GOLGA1: variants seen among roughly 807,000 people sequenced by gnomAD.
GOLGA1 encodes golgin subfamily A member 1.
In GOLGA1, 63 loss-of-function variants were observed where a neutral mutation model predicts 119.7. That is an observed-to-expected ratio of 0.53 (90% confidence interval 0.43 to 0.65). The LOEUF (loss-of-function observed/expected upper bound fraction) is 0.65. GOLGA1 is among the 30% of genes least tolerant of loss of function. The probability of loss-of-function intolerance (pLI) is 0.00; values close to 1 mark genes in which losing one functional copy is unlikely to be tolerated. For synonymous variants in GOLGA1, 318 were observed against 333.4 expected, an observed-to-expected ratio of 0.95 and a Z score of 0.50; for missense variants, 798 against 912.8, an observed-to-expected ratio of 0.87 and a Z score of 1.62.
Position 124,888,621 on chromosome 9 carries a change from C to A in GOLGA1, c.1762-225G>T, listed in dbSNP as rs1829780453. Among the ~76,000 whole-genome samples, 1 of 152,216 alleles carries A rather than the reference C, an allele frequency of 6.6e-6. No individual in the cohort carries two copies. The highest frequency in any genetic ancestry group is 2.4e-5 in the African/African-American group (1 of 41,462). On this transcript the variant is annotated intron_variant, in intron 18 of 22. Transcript: ENST00000373555. This position sits in a 1 kb window ranked among gnomAD's most constrained non-coding sequence, Gnocchi z 4.4. ...GAAGGGGCTTGCTCTCCCCTGCCTA[C>A]CGACAGGGGTGCCATCTGTGATGGG... is the stretch of plus-strand genomic sequence containing the variant.
intron 11 of GOLGA1, among the ~76,000 whole-genome samples, chr9:124,910,171 C>G (rs768008925): frequency 6.6e-6 from 1 of 152,118 alleles, no homozygotes; most frequent in South Asian, 2.1e-4. Context: ...TCTTGTGATC[C>G]GCCCGCCTCG....
intron 22 of GOLGA1, among the ~76,000 whole-genome samples, chr9:124,880,877 C>T (rs942818069): frequency 6.6e-5 from 10 of 152,184 alleles, no homozygotes; most frequent in African/African-American, 1.9e-4. Flanking sequence ...TTTATGCAGA[C>T]GCTTTTGGAA....
intron 19 of GOLGA1, chr9:124,887,365 G>A (rs1438134301): frequency 6.6e-6 from 1 of 152,388 alleles, no homozygotes; most frequent in Non-Finnish European, 1.5e-5. Context: ...CAGGGGGCTG[G>A]GCTTCTGGGA....
At chr9:124,882,735 G>A (rs984506703) in intron 19 of GOLGA1, among the ~76,000 whole-genome samples, 166 bp from the exon 20 acceptor site, 1 of 152,204 alleles carries the variant, frequency 6.6e-6, no homozygotes, top group Non-Finnish European at 1.5e-5. Context: ...TTGTGCCTAC[G>A]ACTGTTGGGC....
chr9:124,904,619 G>A (rs1399290901), intron 12 of GOLGA1, among the ~76,000 whole-genome samples: 1 of 152,098 alleles, frequency 6.6e-6, no homozygotes, highest in Non-Finnish European at 1.5e-5. Flanking sequence ...GACCAGCCTG[G>A]CCAACATGGT....
At position 124,921,976 on chromosome 9, in the gene GOLGA1, C is replaced by T. The variant is rs142284260; in HGVS notation, c.562-84G>A. 8.0e-3 allele frequency: 9,536 copies of T among 1,187,124 alleles called. 530 individuals are homozygous for T. The Admixed American group carries it at 0.12, about 14-fold the overall frequency. The allele number at this position is 1,187,124 out of a possible 1,614,324, so 73.5% of individuals were successfully genotyped here. A position where few individuals can be genotyped will look rare whatever the true frequency, so the allele number is the denominator to read the frequency against. ...GGCATGCTGGCTCACGCCTGTAATC[C>T]CAACACTTTGGGAGGCTGAGGCAGG... On this transcript the variant is annotated intron_variant, in intron 8 of 22. Transcript: ENST00000373555.
At chr9:124,913,906 G>A (rs1214271414) in intron 10 of GOLGA1, among the ~76,000 whole-genome samples, 1 of 152,182 alleles carries the variant, frequency 6.6e-6, no homozygotes, top group Non-Finnish European at 1.5e-5. Context: ...TCTGCATAAA[G>A]GGCAGCACAT....
At position 124,940,974 on chromosome 9, in the gene GOLGA1, CCT is replaced by C. The variant is rs1279578481; in HGVS notation, c.-211_-210del. On this transcript the variant is annotated 5_prime_UTR_variant, in exon 1 of 23. Coordinates refer to ENST00000373555, the MANE Select transcript of GOLGA1 (RefSeq NM_002077.4). ...CCCGGAGTCCTGGCCCGCGCACCTG[CCT>C]CTCTCTGGGAAGCCAGCAAAGCCCC... The C allele has an allele frequency of 6.6e-6, 1 of 152,360 alleles. No individual in the cohort carries two copies. Among genetic ancestry groups the C allele is most frequent in the Admixed American group, 6.5e-5 (1 of 15,282 alleles). 9.4% of individuals were successfully genotyped at this position (152,360 alleles called of 1,614,324 possible). A position where few individuals can be genotyped will look rare whatever the true frequency, so the allele number is the denominator to read the frequency against.
intron 10 of GOLGA1, 114 bp downstream of exon 10, chr9:124,921,015 A>G (rs958468987): frequency 8.5e-6 from 6 of 708,328 alleles, no homozygotes; most frequent in Non-Finnish European, 1.5e-5. Context: ...AAATGGAGCC[A>G]TGTGGACTGC....
At position 124,894,689 on chromosome 9, in the gene GOLGA1, G is replaced by A. The variant is rs184675725; in HGVS notation, c.1407+3860C>T. Among the ~76,000 whole-genome samples, 55 of 152,194 alleles carry A rather than the reference G, an allele frequency of 3.6e-4. 1 individual carries two copies. Among genetic ancestry groups the A allele is most frequent in the Admixed American group, 2.5e-3 (38 of 15,272 alleles). ...GGACCCCCATCTCAGTGAATGGTAC[G>A]TACCCTATTCATTCAGTTACCCCAG... On this transcript the variant is annotated intron_variant, in intron 15 of 22. Coordinates refer to ENST00000373555, the MANE Select transcript of GOLGA1 (RefSeq NM_002077.4).
intron 2 of GOLGA1, among the ~76,000 whole-genome samples, chr9:124,939,546 CTTTCTTTTTTTTTT>C (rs1830953897): frequency 5.0e-5 from 2 of 40,010 alleles, no homozygotes; most frequent in African/African-American, 2.2e-4. Context: ...TATTTTCTTT[CTTTCTTTTTTTTTT>C]TTTTTTTTTT....
rs762902265 is a variant in GOLGA1 at position 124,888,461 on chromosome 9, C to A, written c.1762-65G>T. The A allele has an allele frequency of 8.6e-4, 1,267 of 1,470,884 alleles. No homozygotes were observed. The highest frequency in any genetic ancestry group is 1.1e-3 in the Non-Finnish European group (1,161 of 1,052,848). 91.1% of individuals were successfully genotyped at this position (1,470,884 alleles called of 1,614,324 possible). A position where few individuals can be genotyped will look rare whatever the true frequency, so the allele number is the denominator to read the frequency against. ...CAGGTGAAGCTGAGCCACAGGTACA[C>A]AGGGAAGGGGAGCTAGACTCGTCCC... is the stretch of plus-strand genomic sequence containing the variant. On this transcript the variant is annotated intron_variant, in intron 18 of 22. Coordinates refer to ENST00000373555, the MANE Select transcript of GOLGA1 (RefSeq NM_002077.4). The surrounding 1 kb of genome is among the most constrained non-coding windows in gnomAD (Gnocchi z 4.4).
At chr9:124,882,243 G>A (rs1477136591) in intron 20 of GOLGA1, among the ~76,000 whole-genome samples, 1 of 152,218 alleles carries the variant, frequency 6.6e-6, no homozygotes, top group African/African-American at 2.4e-5. Flanking sequence ...GAGCATCACT[G>A]CGCTGGCGTG....
At chr9:124,902,691 G>A (rs928823696) in intron 12 of GOLGA1, among the ~76,000 whole-genome samples, 5 of 151,606 alleles carry the variant, frequency 3.3e-5, no homozygotes, top group East Asian at 1.9e-4. Context: ...GGGTTTCACC[G>A]TGTTAGCCAG....
chr9:124,903,178 C>T (rs763856395), intron 12 of GOLGA1, among the ~76,000 whole-genome samples: 6 of 152,122 alleles, frequency 3.9e-5, no homozygotes, highest in African/African-American at 7.2e-5. Context: ...ATAGAAACAA[C>T]GCAAATGTCC....
intron 2 of GOLGA1, among the ~76,000 whole-genome samples, chr9:124,939,741 T>C (rs2131548434): frequency 6.6e-6 from 1 of 152,154 alleles, no homozygotes; most frequent in East Asian, 1.9e-4. Context: ...TTTATATTTT[T>C]AGTAGAGACG....
intron 1 of GOLGA1, among the ~76,000 whole-genome samples, 196 bp from the exon 2 acceptor site, chr9:124,940,351 A>G (rs1462023965): frequency 2.0e-5 from 3 of 152,122 alleles, no homozygotes; most frequent in Non-Finnish European, 4.4e-5. Context: ...TTTTTTGCCT[A>G]AGAGCTTCAC....
intron 19 of GOLGA1, among the ~76,000 whole-genome samples, chr9:124,883,818 G>C (rs1829649665): frequency 6.6e-6 from 1 of 151,768 alleles, no homozygotes; most frequent in Admixed American, 6.6e-5. Flanking sequence ...GAACTCCTGG[G>C]CTCAAGCAAT....
At position 124,928,223 on chromosome 9, in the gene GOLGA1, C is replaced by T. The variant is rs765785433; in HGVS notation, c.364G>A (p.Glu122Lys). 6.2e-7 allele frequency: 1 copy of T among 1,604,990 alleles called. No individual in the cohort carries two copies. Among genetic ancestry groups the T allele is most frequent in the South Asian group, 1.1e-5 (1 of 90,756 alleles). ...TFQANRAKMA[E>K]GLALALARKD... Reference sequence around the variant, plus strand: ...CTGGCTAATGCCAAAGCCAGTCCTTCTGCCATTTTGGCTCTGTTGGCTTGG... The same window carrying T: ...CTGGCTAATGCCAAAGCCAGTCCTTTTGCCATTTTGGCTCTGTTGGCTTGG... The change falls in exon 6 of 23, where the codon GAA becomes AAA. Residue 122 changes from glutamate (E) to lysine (K), a missense_variant. By Grantham distance (56) the Glu-to-Lys change is moderately conservative. Transcript: ENST00000373555.
Sources: allele counts gnomAD v4.1 joint callset (sites outside exome capture counted in the v4.1 genomes callset), GRCh38; gene constraint gnomAD v4.1.1; non-coding constraint Gnocchi (gnomAD v3.1); transcripts MANE v1.5; gene names NCBI Gene and HGNC (gene_info 2026-07-23, HGNC 2026-07-21).